ZC3H3: variants seen among roughly 807,000 people sequenced by gnomAD.
The protein encoded by ZC3H3 is zinc finger CCCH-type containing 3.
ZC3H3 carries 36 observed loss-of-function variants against 77.3 expected under a neutral mutation model. The observed-to-expected ratio is 0.47, with a 90% CI of 0.36 to 0.61. The LOEUF (loss-of-function observed/expected upper bound fraction) is 0.61, where lower values mean the gene tolerates loss of function less well. Among genes scored for constraint, ZC3H3 ranks in the 20% least tolerant of loss-of-function variants. The probability of loss-of-function intolerance (pLI) is 0.00; values close to 1 mark genes in which losing one functional copy is unlikely to be tolerated. For missense variants in ZC3H3, 1,331 were observed against 1,312.2 expected, an observed-to-expected ratio of 1.01 and a Z score of -0.22; for synonymous variants, 626 against 555.2, an observed-to-expected ratio of 1.13 and a Z score of -1.79.
intron 9 of ZC3H3, among the ~76,000 whole-genome samples, chr8:143,447,899 C>T (rs1819898234): frequency 6.6e-6 from 1 of 152,028 alleles, no homozygotes; most frequent in Non-Finnish European, 1.5e-5. Context: ...GAGGCTGAGG[C>T]GGGTGGATTG....
At chr8:143,492,153 T>G (rs1044853367) in intron 4 of ZC3H3, among the ~76,000 whole-genome samples, 1 of 152,132 alleles carries the variant, frequency 6.6e-6, no homozygotes, top group South Asian at 2.1e-4. Flanking sequence ...GGTGGAGGCC[T>G]AAGAGGCACA....
At position 143,506,351 on chromosome 8, in the gene ZC3H3, C is replaced by G. The variant is rs188617864; in HGVS notation, c.1715+1395G>C. On this transcript the variant is annotated intron_variant, in intron 4 of 11. Transcript: ENST00000262577. The stretch of plus-strand genomic sequence containing the variant: ...GAATCCATAAATCTGAACCTCATTC[C>G]CGATGATCCGGGGCTCTTATTAAGT... Among the ~76,000 whole-genome samples, 495 of 152,270 alleles carry G rather than the reference C, an allele frequency of 3.3e-3. 2 individuals are homozygous for G. The highest frequency in any genetic ancestry group is 5.2e-3 in the Non-Finnish European group (353 of 68,026).
chr8:143,467,401 AGC>A (rs1193980468), intron 8 of ZC3H3, among the ~76,000 whole-genome samples: 4 of 152,196 alleles, frequency 2.6e-5, no homozygotes, highest in Admixed American at 2.0e-4. Flanking sequence ...CTGGCTTTGG[AGC>A]TGGGAGCTAA....
At chr8:143,464,595 A>C (rs577807222) in intron 9 of ZC3H3, among the ~76,000 whole-genome samples, 1 of 152,294 alleles carries the variant, frequency 6.6e-6, no homozygotes, top group South Asian at 2.1e-4. Flanking sequence ...GAACCCAGCA[A>C]GGGAGGGGCA....
In ZC3H3 at chr8:143,505,356, T is replaced by C. The variant is rs948501491; in HGVS notation, c.1715+2390A>G. 2.0e-5 allele frequency among the ~76,000 whole-genome samples: 3 copies of C among 152,206 alleles called. 1 individual carries two copies. The highest frequency in any genetic ancestry group is 1.3e-4 in the Admixed American group (2 of 15,286). ...CTGATGCAGCACCGGAGATGGCGCA[T>C]GGGCCAGGCTAGACCAGCCGCTGGC... On this transcript the variant is annotated intron_variant, in intron 4 of 11. Transcript: ENST00000262577.
chr8:143,541,387 C>T lies in ZC3H3; in HGVS notation c.35G>A (p.Arg12His), dbSNP rs368972787. 1 of 1,611,670 alleles carries T rather than the reference C, an allele frequency of 6.2e-7. No homozygotes were observed. Among genetic ancestry groups the T allele is most frequent in the Non-Finnish European group, 8.5e-7 (1 of 1,179,426 alleles). Residue 12 changes from arginine (R) to histidine (H), a missense_variant, in exon 1 of 12, where the codon CGC (arginine) becomes CAC (histidine). By Grantham distance (29) the Arg-to-His change is conservative (BLOSUM62 0). Coordinates refer to ENST00000262577, the MANE Select transcript of ZC3H3 (RefSeq NM_015117.3). The stretch of plus-strand genomic sequence containing the variant: ...CCGGCCGGACCTACCCTGCAGTAGG[C>T]GGATCTGCCGCCGTAATATCTCCTT... ...EEKEILRRQI[R>H]LLQGLIDDYK...
At chr8:143,531,581 G>A (rs1586965165) in intron 3 of ZC3H3, among the ~76,000 whole-genome samples, 1 of 152,216 alleles carries the variant, frequency 6.6e-6, no homozygotes, top group Non-Finnish European at 1.5e-5. Context: ...CAAATAAATT[G>A]TGTACAGCAT....
At chr8:143,520,508 C>G (rs577745246) in intron 3 of ZC3H3, among the ~76,000 whole-genome samples, 1 of 152,188 alleles carries the variant, frequency 6.6e-6, no homozygotes, top group Admixed American at 6.5e-5. Flanking sequence ...TGGGAAGCAC[C>G]GGGGTGCAGG....
chr8:143,449,992 A>G (rs1819949111), intron 9 of ZC3H3, among the ~76,000 whole-genome samples: 1 of 152,160 alleles, frequency 6.6e-6, no homozygotes, highest in Non-Finnish European at 1.5e-5. Context: ...AAGTCTCTAG[A>G]AAGTTCAAAA....
chr8:143,518,321 C>A (rs979690174), intron 3 of ZC3H3, among the ~76,000 whole-genome samples: 8 of 152,208 alleles, frequency 5.3e-5, no homozygotes, highest in Non-Finnish European at 1.0e-4. Flanking sequence ...GTCAGTGGAA[C>A]AGATCTGGGG....
At chr8:143,468,083 A>G in intron 8 of ZC3H3, 126 bp downstream of exon 8, 1 of 1,181,336 alleles carries the variant, frequency 8.5e-7, no homozygotes, top group East Asian at 2.4e-5. Context: ...GACTCTAAGG[A>G]CGCCAGGGCA....
At chr8:143,526,487 G>T (rs1041384746) in intron 3 of ZC3H3, among the ~76,000 whole-genome samples, 4 of 152,326 alleles carry the variant, frequency 2.6e-5, no homozygotes, top group African/African-American at 9.6e-5. Context: ...GCACGCGATT[G>T]GACTTGGTGC....
chr8:143,496,743 C>T (rs1258126328), intron 4 of ZC3H3, among the ~76,000 whole-genome samples: 2 of 152,224 alleles, frequency 1.3e-5, no homozygotes, highest in Non-Finnish European at 2.9e-5. Flanking sequence ...TAACCTGCTC[C>T]GCAGAGAAAC....
At chr8:143,492,176 C>G (rs1488067641) in intron 4 of ZC3H3, among the ~76,000 whole-genome samples, 5 of 152,202 alleles carry the variant, frequency 3.3e-5, no homozygotes, top group African/African-American at 1.2e-4. Flanking sequence ...GATGCAGGGA[C>G]CAGCAGGCCC....
intron 4 of ZC3H3, among the ~76,000 whole-genome samples, chr8:143,486,182 A>G (rs57247968): frequency 0.018 from 2,792 of 152,368 alleles, 77 homozygotes; most frequent in African/African-American, 0.063. Context: ...TGGCGTATCC[A>G]TATCACAGAA....
At chr8:143,520,685 C>T (rs1462712137) in intron 3 of ZC3H3, among the ~76,000 whole-genome samples, 1 of 152,220 alleles carries the variant, frequency 6.6e-6, no homozygotes. Context: ...GGCCTTTCCA[C>T]GTTTTGTGAG....
chr8:143,489,871 G>C (rs191702522), intron 4 of ZC3H3, among the ~76,000 whole-genome samples: 3 of 152,192 alleles, frequency 2.0e-5, no homozygotes, highest in African/African-American at 7.2e-5. Flanking sequence ...TCTGGGGAGT[G>C]GACGGGGCAG....
At chr8:143,520,374 G>C (rs1420835290) in intron 3 of ZC3H3, among the ~76,000 whole-genome samples, 1 of 152,204 alleles carries the variant, frequency 6.6e-6, no homozygotes, top group Non-Finnish European at 1.5e-5. Context: ...ATGCGGTGAG[G>C]GGGCAGCTGG....
intron 5 of ZC3H3, among the ~76,000 whole-genome samples, chr8:143,468,990 G>A (rs540054430): frequency 1.2e-3 from 176 of 152,334 alleles, no homozygotes; most frequent in African/African-American, 4.0e-3. Context: ...TGGCCACGTG[G>A]GCTGGAGACG....
Sources: gnomAD v4.1 joint callset for allele counts (sites outside exome capture counted in the v4.1 genomes callset) on GRCh38, gnomAD v4.1.1 for gene constraint, MANE v1.5 for transcripts, NCBI Gene and HGNC (gene_info 2026-07-23, HGNC 2026-07-21) for gene names.